TPTE: variants seen among roughly 807,000 people sequenced by gnomAD.
TPTE encodes transmembrane phosphatase with tensin homology.
TPTE carries 59 observed loss-of-function variants against 84.1 expected under a neutral mutation model. That is an observed-to-expected ratio of 0.70 (90% CI 0.57 to 0.87). The LOEUF (loss-of-function observed/expected upper bound fraction) is 0.87, where lower values mean the gene tolerates loss of function less well. Among genes scored for constraint, TPTE ranks in the 40% least tolerant of loss-of-function variants. TPTE has a pLI of 0.00. For synonymous variants in TPTE, 130 were observed against 223.5 expected, an observed-to-expected ratio of 0.58 and a Z score of 3.73; for missense variants, 382 against 659.6, an observed-to-expected ratio of 0.58 and a Z score of 4.61.
chr21:10,548,193 A>G (rs1467500518), intron 7 of TPTE, among the ~76,000 whole-genome samples: 1 of 152,296 alleles, frequency 6.6e-6, no homozygotes, highest in East Asian at 1.9e-4. Flanking sequence ...GCCGAGAAAC[A>G]ACCCTGGGAG....
chr21:10,590,078 TCTA>T (rs1465065929), intron 17 of TPTE, among the ~76,000 whole-genome samples: 52 of 152,286 alleles, frequency 3.4e-4, no homozygotes, highest in African/African-American at 9.9e-4. Context: ...AAAAATATCT[TCTA>T]CTGCATTTGT....
intron 8 of TPTE, among the ~76,000 whole-genome samples, chr21:10,554,033 T>A (rs1366808589): frequency 1.3e-5 from 2 of 152,308 alleles, no homozygotes; most frequent in Non-Finnish European, 2.9e-5. Flanking sequence ...TCTTAAACTT[T>A]GATGCATGCA....
At chr21:10,566,291 G>C (rs2145691677) in intron 10 of TPTE, among the ~76,000 whole-genome samples, 1 of 152,418 alleles carries the variant, frequency 6.6e-6, no homozygotes, top group East Asian at 1.9e-4. Context: ...TCTCAGTGTA[G>C]AAAACTACCA....
intron 7 of TPTE, among the ~76,000 whole-genome samples, chr21:10,544,218 T>A (rs1466493565): frequency 1.3e-5 from 2 of 152,426 alleles, no homozygotes; most frequent in African/African-American, 4.8e-5. Flanking sequence ...GGATTGTGTT[T>A]AATCAGTGGC....
intron 17 of TPTE, among the ~76,000 whole-genome samples, chr21:10,587,245 G>A (rs1272480182): frequency 2.0e-5 from 3 of 152,424 alleles, no homozygotes; most frequent in South Asian, 2.1e-4. Context: ...TTTTAGATTT[G>A]GAAGTGCATA....
intron 2 of TPTE, among the ~76,000 whole-genome samples, chr21:10,525,498 A>G (rs2074062125): frequency 2.0e-5 from 3 of 152,308 alleles, no homozygotes. Flanking sequence ...ACAGAAGCTT[A>G]TATACTGTGT....
chr21:10,603,231 G>A lies in TPTE; in HGVS notation c.1450-331G>A, dbSNP rs1178456089. Among the ~76,000 whole-genome samples, 11 of 152,276 alleles carry A rather than the reference G, an allele frequency of 7.2e-5. No homozygotes were observed. In the East Asian group the frequency reaches 1.9e-3, roughly 27 times the overall value. On this transcript the variant is annotated intron_variant, in intron 22 of 23. Transcript: ENST00000618007. ...AATTACAAGAATTCACTACAATGTA[G>A]TTGGGTATATATAGACATAGGTCCT...
At chr21:10,537,055 T>C (rs1230897221) in intron 3 of TPTE, among the ~76,000 whole-genome samples, 1 of 152,312 alleles carries the variant, frequency 6.6e-6, no homozygotes, top group East Asian at 1.9e-4. Context: ...TTCTTGACCC[T>C]GTGTGAGAGC....
At chr21:10,588,904 G>A (rs1334627545) in intron 17 of TPTE, among the ~76,000 whole-genome samples, 8 of 152,388 alleles carry the variant, frequency 5.2e-5, no homozygotes, top group Admixed American at 2.0e-4. Flanking sequence ...TTCATTTCCC[G>A]GATTGATGTA....
chr21:10,562,289 G>A (rs2074823270), intron 10 of TPTE, among the ~76,000 whole-genome samples: 2 of 151,890 alleles, frequency 1.3e-5, no homozygotes, highest in East Asian at 1.9e-4. Flanking sequence ...CCCTGACAGT[G>A]AAAACTACAA....
intron 17 of TPTE, among the ~76,000 whole-genome samples, chr21:10,587,290 G>A (rs1165896482): frequency 1.3e-5 from 2 of 152,310 alleles, no homozygotes; most frequent in South Asian, 2.1e-4. Context: ...TGATGCTGAG[G>A]TTTGGGGTAT....
chr21:10,577,523 A>T lies in TPTE; in HGVS notation c.856+3A>T, dbSNP rs1437008794. The T allele has an allele frequency of 6.2e-7, 1 of 1,613,912 alleles. No individual in the cohort carries two copies. Among genetic ancestry groups the T allele is most frequent in the African/African-American group, 1.3e-5 (1 of 74,960 alleles). On this transcript the variant is annotated splice_donor_region_variant and intron_variant, in intron 15 of 23. Coordinates refer to ENST00000618007, the MANE Select transcript of TPTE (RefSeq NM_199261.4). ...CTATCGAGTCTACAATCTATGCAGT[A>T]TGTACATTACTCTATATTGTGCTAC...
chr21:10,543,932 A>G (rs2074418979), intron 7 of TPTE, among the ~76,000 whole-genome samples: 1 of 152,308 alleles, frequency 6.6e-6, no homozygotes, highest in Non-Finnish European at 1.5e-5. Flanking sequence ...AGCTCTGTCC[A>G]CATGTGAGGT....
At chr21:10,549,631 A>G (rs1316381416) in intron 7 of TPTE, among the ~76,000 whole-genome samples, 8 of 152,398 alleles carry the variant, frequency 5.2e-5, no homozygotes, top group Admixed American at 5.2e-4. Flanking sequence ...GTCTTTTGAA[A>G]TAACACAGAC....
chr21:10,598,556 T>C (rs1389305583), intron 21 of TPTE, among the ~76,000 whole-genome samples: 2 of 152,308 alleles, frequency 1.3e-5, no homozygotes, highest in Admixed American at 6.5e-5. Flanking sequence ...TCAGGAAATC[T>C]GGAATGGGGC....
At chr21:10,570,263 A>G (rs1373168929) in intron 13 of TPTE, among the ~76,000 whole-genome samples, 1 of 152,312 alleles carries the variant, frequency 6.6e-6, no homozygotes, top group Non-Finnish European at 1.5e-5. Context: ...TACAGTTAGA[A>G]CTAGTGGAGA....
intron 14 of TPTE, among the ~76,000 whole-genome samples, chr21:10,576,758 T>C (rs1215410850): frequency 6.6e-6 from 1 of 152,290 alleles, no homozygotes; most frequent in African/African-American, 2.4e-5. Context: ...TTACTGAAAG[T>C]TGGATTCATA....
chr21:10,552,897 A>C (rs1273121392), intron 8 of TPTE, among the ~76,000 whole-genome samples, 181 bp downstream of exon 8: 1 of 152,304 alleles, frequency 6.6e-6, no homozygotes, highest in Non-Finnish European at 1.5e-5. Context: ...TTATTTTGAA[A>C]AAAAAATTCC....
chr21:10,538,305 A>C (rs2074304339), intron 3 of TPTE, among the ~76,000 whole-genome samples: 1 of 152,430 alleles, frequency 6.6e-6, no homozygotes, highest in South Asian at 2.1e-4. Flanking sequence ...AACAGAGACA[A>C]TCAAGTGAAG....
Sources: allele counts gnomAD v4.1 joint callset (sites outside exome capture counted in the v4.1 genomes callset), GRCh38; gene constraint gnomAD v4.1.1; transcripts MANE v1.5; gene names NCBI Gene and HGNC (gene_info 2026-07-23, HGNC 2026-07-21).